The following CMTR1 variants were observed in gnomAD, a reference collection of about 807,000 sequenced individuals.
CMTR1 encodes the protein cap-specific mRNA (nucleoside-2'-O-)-methyltransferase 1.
Under a neutral mutation model 107.0 loss-of-function variants are expected in CMTR1, and 39 were observed. The ratio of observed to expected loss-of-function variants is 0.36; its 90% CI spans 0.28 to 0.48. The LOEUF is 0.48. Among genes scored for constraint, CMTR1 ranks in the 20% least tolerant of loss-of-function variants. The pLI is 0.99. For missense variants in CMTR1, 672 were observed against 1,064.9 expected, an observed-to-expected ratio of 0.63 and a Z score of 5.14; for synonymous variants, 366 against 379.5, an observed-to-expected ratio of 0.96 and a Z score of 0.41.
the CMTR1 span, among the ~76,000 whole-genome samples, chr6:37,425,179 T>A: frequency 6.6e-6 from 1 of 151,618 alleles, no homozygotes; most frequent in African/African-American, 2.4e-5. Context: ...CCTGACTTCA[T>A]GATCCGCCCG....
At chr6:37,477,665 A>C (rs371260670) in intron 21 of CMTR1, 26 bp downstream of exon 21, 44 of 1,567,154 alleles carry the variant, frequency 2.8e-5, no homozygotes, top group Non-Finnish European at 3.6e-5. Context: ...GGTGAAGCTC[A>C]GATTCAAGAG....
In CMTR1 at chr6:37,461,653, T is replaced by A; in HGVS notation, c.1192+8T>A. The A allele has an allele frequency of 6.4e-7, 1 of 1,567,470 alleles. No individual in the cohort carries two copies. The highest frequency in any genetic ancestry group is 8.7e-7 in the Non-Finnish European group (1 of 1,144,452). ...TGTCCATTGTCCGGACAGGTGACAC[T>A]TCCTCAGCTGTCTCCTCACCCCAGG... On this transcript the variant is annotated splice_region_variant and intron_variant, in intron 11 of 23. Coordinates refer to ENST00000373451, the MANE Select transcript of CMTR1 (RefSeq NM_015050.3).
At chr6:37,475,438 AGGGTGG>A in intron 19 of CMTR1, 26 bp downstream of exon 19, 1 of 774,484 alleles carries the variant, frequency 1.3e-6, no homozygotes, top group Non-Finnish European at 2.2e-6. Context: ...CAGGGTAGGG[AGGGTGG>A]GGGTAGGCCA....
chr6:37,455,783 A>G (rs973668861), intron 8 of CMTR1, among the ~76,000 whole-genome samples: 2 of 152,230 alleles, frequency 1.3e-5, no homozygotes, highest in Non-Finnish European at 2.9e-5. Flanking sequence ...ATTGAGTACA[A>G]TATCATCTTG....
upstream of CMTR1, among the ~76,000 whole-genome samples, chr6:37,431,546 T>C (rs1228278829): frequency 6.6e-6 from 1 of 150,952 alleles, no homozygotes; most frequent in Non-Finnish European, 1.5e-5. Context: ...AGACAATCTT[T>C]CCTGTACAGA....
intron 3 of CMTR1, among the ~76,000 whole-genome samples, chr6:37,444,568 C>T (rs1771743468): frequency 6.6e-6 from 1 of 152,076 alleles, no homozygotes. Flanking sequence ...TGGAAGTATT[C>T]CATTTATTCT....
chr6:37,452,618 A>G (rs1367732312), intron 6 of CMTR1, among the ~76,000 whole-genome samples: 1 of 152,220 alleles, frequency 6.6e-6, no homozygotes, highest in Non-Finnish European at 1.5e-5. Flanking sequence ...ACTGTGTGGT[A>G]GGTGCCATCA....
intron 21 of CMTR1, 147 bp from the exon 22 acceptor site, chr6:37,478,261 TG>T: frequency 1.5e-6 from 1 of 662,352 alleles, no homozygotes; most frequent in Non-Finnish European, 2.7e-6. Flanking sequence ...AAACTCAGCA[TG>T]GCCACCCACT....
At chr6:37,437,826 A>G (rs1186959646) in intron 2 of CMTR1, among the ~76,000 whole-genome samples, 2 of 152,164 alleles carry the variant, frequency 1.3e-5, no homozygotes, top group Admixed American at 6.5e-5. Context: ...AAAAAGAGAG[A>G]GTATGTCTGG....
chr6:37,461,034 A>G (rs1562123854), intron 10 of CMTR1, among the ~76,000 whole-genome samples: 2 of 152,226 alleles, frequency 1.3e-5, no homozygotes, highest in African/African-American at 2.4e-5. Context: ...GAAAGGGGGT[A>G]TTGTAAGTAA....
chr6:37,433,963 C>T (rs1771460123), intron 1 of CMTR1, among the ~76,000 whole-genome samples: 2 of 152,194 alleles, frequency 1.3e-5, no homozygotes, highest in East Asian at 1.9e-4. Context: ...GCCTTTCACA[C>T]AGCTGTTCAA....
chr6:37,475,683 G>A (rs111989468), intron 19 of CMTR1: 137 of 550,174 alleles, frequency 2.5e-4, no homozygotes, highest in Middle Eastern at 1.5e-3. Context: ...TTTATGTTAA[G>A]GTTGAGCAAG....
intron 2 of CMTR1, among the ~76,000 whole-genome samples, chr6:37,438,776 A>G (rs762039114): frequency 3.3e-5 from 5 of 152,238 alleles, no homozygotes; most frequent in South Asian, 2.1e-4. Flanking sequence ...TAGCATTTAT[A>G]TCACCTATGT....
chr6:37,455,958 G>T (rs1010133879), intron 8 of CMTR1, among the ~76,000 whole-genome samples: 1 of 152,236 alleles, frequency 6.6e-6, no homozygotes, highest in Non-Finnish European at 1.5e-5. Context: ...TGCACAGTCA[G>T]TAAGTAGCAG....
Position 37,462,017 on chromosome 6 carries a change from G to A in CMTR1, c.1240G>A (p.Val414Met). 4 of 1,613,868 alleles carry A rather than the reference G, an allele frequency of 2.5e-6. No homozygotes were observed. Among genetic ancestry groups the A allele is most frequent in the East Asian group, 4.5e-5 (2 of 44,870 alleles). ...KTFDLFTPFS[V>M]GLVYLLYCCF... Reference sequence around the variant, plus strand: ...CTTTGACCTGTTCACACCGTTTAGTGTGGGGCTTGTCTACCTGCTGTACTG... The same window carrying A: ...CTTTGACCTGTTCACACCGTTTAGTATGGGGCTTGTCTACCTGCTGTACTG... Residue 414 changes from valine (V) to methionine (M), a missense_variant, in exon 12 of 24, where the codon GTG becomes ATG. By Grantham distance (21) the Val-to-Met change is conservative (BLOSUM62 1). Around this residue, in one of 2 missense-constraint regions of CMTR1, gnomAD observed 583 missense variants for 968.4 expected, o/e 0.60. Coordinates refer to ENST00000373451, the MANE Select transcript of CMTR1 (RefSeq NM_015050.3).
rs1761405169 is a variant in CMTR1, at chr6:37,461,658, C to T, written c.1192+13C>T. On this transcript the variant is annotated intron_variant, in intron 11 of 23. Coordinates refer to ENST00000373451, the MANE Select transcript of CMTR1 (RefSeq NM_015050.3). ...ATTGTCCGGACAGGTGACACTTCCT[C>T]AGCTGTCTCCTCACCCCAGGACCCA... is the stretch of plus-strand genomic sequence containing the variant. The T allele has an allele frequency of 1.3e-6, 2 of 1,553,754 alleles. No individual in the cohort carries two copies. Among genetic ancestry groups the T allele is most frequent in the Middle Eastern group, 1.7e-4 (1 of 5,880 alleles).
chr6:37,479,321 A>G (rs1761807462), intron 23 of CMTR1, 66 bp downstream of exon 23: 1 of 1,176,716 alleles, frequency 8.5e-7, no homozygotes, highest in Non-Finnish European at 1.3e-6. Context: ...GATGCCAGCC[A>G]GCTGTCTTGG....
intron 4 of CMTR1, among the ~76,000 whole-genome samples, chr6:37,449,839 C>T (rs2113871433): frequency 6.6e-6 from 1 of 152,308 alleles, no homozygotes; most frequent in Middle Eastern, 3.4e-3. Context: ...TTCTGATATA[C>T]TTATCTTGTC....
At chr6:37,443,928 A>G in intron 2 of CMTR1, 71 bp from the exon 3 acceptor site, 6 of 1,537,220 alleles carry the variant, frequency 3.9e-6, no homozygotes, top group Non-Finnish European at 5.3e-6. Context: ...AGTTGAATAA[A>G]TGAAACTTGG....
Sources: allele counts gnomAD v4.1 joint callset (sites outside exome capture counted in the v4.1 genomes callset), GRCh38; gene constraint gnomAD v4.1.1; regional missense constraint gnomAD v4.1.1; transcripts MANE v1.5; gene names NCBI Gene and HGNC (gene_info 2026-07-23, HGNC 2026-07-21).